The following RGPD2 variants were observed in gnomAD, a reference collection of about 807,000 sequenced individuals.
RGPD2 encodes RANBP2 like and GRIP domain containing 2.
Under a neutral mutation model 36.0 loss-of-function variants are expected in RGPD2, and 2 were observed. The ratio of observed to expected loss-of-function variants is 0.06; its 90% CI spans 0.02 to 0.17. The LOEUF (loss-of-function observed/expected upper bound fraction) is 0.17, where lower values mean the gene tolerates loss of function less well. Among genes scored for constraint, RGPD2 ranks in the 10% least tolerant of loss-of-function variants. The probability of loss-of-function intolerance (pLI) is 1.00; values close to 1 mark genes in which losing one functional copy is unlikely to be tolerated. For synonymous variants in RGPD2, 19 were observed against 163.8 expected, an observed-to-expected ratio of 0.12 and a Z score of 6.75; for missense variants, 40 against 464.3, an observed-to-expected ratio of 0.09 and a Z score of 8.40.
chr2:87,827,368 T>A (rs1435627816), upstream of RGPD2, among the ~76,000 whole-genome samples: 3 of 152,124 alleles, frequency 2.0e-5, no homozygotes, highest in Non-Finnish European at 4.4e-5. Context: ...AACTTTTAAA[T>A]CAGAGATAAC....
the RGPD2 span, among the ~76,000 whole-genome samples, chr2:87,961,746 G>A: frequency 2.0e-5 from 3 of 146,886 alleles, no homozygotes; most frequent in Admixed American, 6.9e-5. Context: ...TCAGTCCTGC[G>A]GGTGGAACAC....
chr2:87,917,240 A>G, the RGPD2 span, among the ~76,000 whole-genome samples: 1 of 147,396 alleles, frequency 6.8e-6, no homozygotes, highest in Non-Finnish European at 1.5e-5. Flanking sequence ...TATATAGGTT[A>G]TTATAAAGAC....
At chr2:87,812,985 G>A (rs1223042563) in intron 4 of RGPD2, among the ~76,000 whole-genome samples, 1 of 149,162 alleles carries the variant, frequency 6.7e-6, no homozygotes, top group Non-Finnish European at 1.5e-5. Flanking sequence ...CTGCATTTTG[G>A]TCATACCACC....
At chr2:87,914,729 T>C in the RGPD2 span, among the ~76,000 whole-genome samples, 2 of 139,514 alleles carry the variant, frequency 1.4e-5, no homozygotes, top group Non-Finnish European at 3.1e-5. Context: ...CCCAGGAGTT[T>C]AATAATCACT....
the RGPD2 span, among the ~76,000 whole-genome samples, chr2:87,864,574 G>T: frequency 6.7e-6 from 1 of 148,900 alleles, no homozygotes; most frequent in African/African-American, 2.5e-5. Flanking sequence ...GACATAGATA[G>T]ATGATAGATA....
the RGPD2 span, among the ~76,000 whole-genome samples, chr2:87,860,708 G>A: frequency 2.0e-5 from 3 of 152,154 alleles, no homozygotes; most frequent in African/African-American, 4.8e-5. Flanking sequence ...TATGTGTAAT[G>A]TGTGATGTGC....
At chr2:87,951,407 C>G in the RGPD2 span, among the ~76,000 whole-genome samples, 1 of 151,916 alleles carries the variant, frequency 6.6e-6, no homozygotes, top group South Asian at 2.1e-4. Flanking sequence ...ACTATGTAGA[C>G]AGAGAGAACC....
At chr2:87,921,672 T>C in the RGPD2 span, among the ~76,000 whole-genome samples, 1 of 152,170 alleles carries the variant, frequency 6.6e-6, no homozygotes, top group Non-Finnish European at 1.5e-5. Context: ...GCACATAATG[T>C]GAGCCATGGA....
At chr2:87,913,881 T>C in the RGPD2 span, among the ~76,000 whole-genome samples, 2 of 152,158 alleles carry the variant, frequency 1.3e-5, no homozygotes, top group African/African-American at 2.4e-5. Flanking sequence ...CCTGACACTC[T>C]ATGTAACACA....
the RGPD2 span, among the ~76,000 whole-genome samples, chr2:87,967,265 G>A: frequency 6.9e-6 from 1 of 145,920 alleles, no homozygotes; most frequent in Non-Finnish European, 1.5e-5. Context: ...AAAATTAGCT[G>A]GGCATGGTGG....
the RGPD2 span, among the ~76,000 whole-genome samples, chr2:87,956,061 CA>C: frequency 9.4e-6 from 1 of 106,752 alleles, no homozygotes; most frequent in African/African-American, 3.6e-5. Flanking sequence ...AATGAAGCAG[CA>C]AAAACCTACT....
At chr2:87,855,221 T>C in the RGPD2 span, among the ~76,000 whole-genome samples, 12 of 152,084 alleles carry the variant, frequency 7.9e-5, no homozygotes, top group Admixed American at 2.0e-4. Context: ...GGACAAACGT[T>C]TTCCACTCAT....
At chr2:87,963,125 GAAT>G in the RGPD2 span, among the ~76,000 whole-genome samples, 360 of 150,382 alleles carry the variant, frequency 2.4e-3, no homozygotes, top group African/African-American at 8.0e-3. Flanking sequence ...CAAATAATAA[GAAT>G]AATAATATTT....
chr2:87,923,418 C>A, the RGPD2 span, among the ~76,000 whole-genome samples: 1 of 152,200 alleles, frequency 6.6e-6, no homozygotes, highest in East Asian at 1.9e-4. Flanking sequence ...AAAGAAAATG[C>A]TTTTCTATCG....
At chr2:87,847,655 C>T in the RGPD2 span, among the ~76,000 whole-genome samples, 111 of 151,802 alleles carry the variant, frequency 7.3e-4, no homozygotes, top group Non-Finnish European at 1.2e-3. Context: ...CATGCCATCA[C>T]GCCCAGCTAA....
intron 1 of RGPD2, among the ~76,000 whole-genome samples, chr2:87,822,239 AGAG>A (rs1387412135): frequency 5.9e-5 from 9 of 152,254 alleles, no homozygotes; most frequent in Non-Finnish European, 2.9e-5. Context: ...AACAAACAAA[AGAG>A]GAGAATAAGA....
chr2:87,875,874 T>C, the RGPD2 span, among the ~76,000 whole-genome samples: 1 of 152,204 alleles, frequency 6.6e-6, no homozygotes, highest in Non-Finnish European at 1.5e-5. Context: ...GGCTATTTAT[T>C]AGTGGCTTTA....
chr2:87,924,512 C>T, the RGPD2 span, among the ~76,000 whole-genome samples: 39 of 152,222 alleles, frequency 2.6e-4, no homozygotes, highest in Non-Finnish European at 4.0e-4. Flanking sequence ...ATGCCTTTTT[C>T]ATCACTTTTT....
At chr2:87,931,887 A>G in the RGPD2 span, among the ~76,000 whole-genome samples, 1 of 140,868 alleles carries the variant, frequency 7.1e-6, no homozygotes. Context: ...GTTTCAGGTA[A>G]TTCTTTATAG....
Sources: gnomAD v4.1 joint callset for allele counts (sites outside exome capture counted in the v4.1 genomes callset) on GRCh38, gnomAD v4.1.1 for gene constraint, MANE v1.5 for transcripts, NCBI Gene and HGNC (gene_info 2026-07-23, HGNC 2026-07-21) for gene names.